Variants in MCUB observed in about 807,000 individuals in gnomAD.
MCUB encodes calcium uniporter regulatory subunit MCUb, mitochondrial.
MCUB carries 46 observed loss-of-function variants against 41.4 expected under a neutral mutation model. The observed-to-expected ratio is 1.11, with a 90% confidence interval of 0.88 to 1.42. The LOEUF (loss-of-function observed/expected upper bound fraction) is 1.42, where lower values mean the gene tolerates loss of function less well. MCUB is among the 40% of genes most tolerant of loss of function. The pLI is 0.00. For missense variants in MCUB, 403 were observed against 404.9 expected (o/e 1.00, Z 0.04); for synonymous variants, 148 against 148.2 (o/e 1.00, Z 0.01).
At chr4:109,568,079 A>G (rs569452272) in intron 1 of MCUB, among the ~76,000 whole-genome samples, 75 of 151,780 alleles carry the variant, frequency 4.9e-4, no homozygotes, top group East Asian at 2.9e-3. Context: ...CCTGGGGGGG[A>G]AAAATTATTT....
intron 4 of MCUB, among the ~76,000 whole-genome samples, chr4:109,669,960 T>A (rs1006753451): frequency 6.6e-6 from 1 of 152,232 alleles, no homozygotes; most frequent in Non-Finnish European, 1.5e-5. Context: ...AGCATATTAT[T>A]TGTAGTTATT....
chr4:109,583,277 A>T (rs1248700354), intron 1 of MCUB, among the ~76,000 whole-genome samples: 1 of 152,164 alleles, frequency 6.6e-6, no homozygotes, highest in African/African-American at 2.4e-5. Context: ...GAGGTCCTTC[A>T]CATCCCATGT....
chr4:109,609,204 A>C (rs560037943), intron 1 of MCUB, among the ~76,000 whole-genome samples: 36 of 152,252 alleles, frequency 2.4e-4, no homozygotes, highest in Non-Finnish European at 5.0e-4. Context: ...GTGAGTCCAC[A>C]GTGCAAAGTG....
At chr4:109,651,431 C>A (rs1728957502) in intron 1 of MCUB, among the ~76,000 whole-genome samples, 1 of 152,142 alleles carries the variant, frequency 6.6e-6, no homozygotes, top group Non-Finnish European at 1.5e-5. Context: ...CTTAGGTAAG[C>A]ATAGTATCTG....
intron 4 of MCUB, among the ~76,000 whole-genome samples, chr4:109,668,071 T>C (rs1052281563): frequency 6.6e-6 from 1 of 152,100 alleles, no homozygotes; most frequent in Non-Finnish European, 1.5e-5. Context: ...TGATCTGTCT[T>C]GATGAGATGT....
At chr4:109,594,833 A>C (rs1727518913) in intron 1 of MCUB, among the ~76,000 whole-genome samples, 1 of 151,660 alleles carries the variant, frequency 6.6e-6, no homozygotes, top group South Asian at 2.1e-4. Flanking sequence ...GCGTGATCCA[A>C]ACCAGATCCC....
intron 1 of MCUB, among the ~76,000 whole-genome samples, chr4:109,581,593 G>A (rs1205699341): frequency 6.6e-6 from 1 of 152,038 alleles, no homozygotes; most frequent in Non-Finnish European, 1.5e-5. Context: ...GAGTGAACAG[G>A]CAACCTACAG....
chr4:109,651,562 A>G (rs951200764), intron 1 of MCUB, among the ~76,000 whole-genome samples: 3 of 152,152 alleles, frequency 2.0e-5, no homozygotes, highest in Non-Finnish European at 4.4e-5. Flanking sequence ...AAAATTTAAA[A>G]TTTCTATACT....
chr4:109,652,352 A>T (rs980584456), intron 1 of MCUB, among the ~76,000 whole-genome samples: 5 of 152,136 alleles, frequency 3.3e-5, no homozygotes, highest in African/African-American at 1.2e-4. Context: ...TCTTTAGCAA[A>T]AATCTGTGGA....
intron 1 of MCUB, among the ~76,000 whole-genome samples, chr4:109,601,515 C>T (rs528553574): frequency 5.4e-4 from 82 of 152,252 alleles, no homozygotes; most frequent in African/African-American, 2.0e-3. Flanking sequence ...CTGTGCCTGG[C>T]TTATTTCACT....
At chr4:109,598,084 G>C (rs1044394686) in intron 1 of MCUB, among the ~76,000 whole-genome samples, 1 of 150,070 alleles carries the variant, frequency 6.7e-6, no homozygotes, top group African/African-American at 2.5e-5. Context: ...GATGGCGGCC[G>C]GACGGAGACG....
At chr4:109,678,563 C>G (rs1187298208) in intron 4 of MCUB, among the ~76,000 whole-genome samples, 26 of 143,690 alleles carry the variant, frequency 1.8e-4, no homozygotes, top group African/African-American at 6.4e-4. Context: ...GGCGGCCGGG[C>G]AGAGGAGCTC....
chr4:109,672,889 A>T (rs1207834503), intron 4 of MCUB, among the ~76,000 whole-genome samples: 2 of 152,182 alleles, frequency 1.3e-5, no homozygotes, highest in Non-Finnish European at 2.9e-5. Context: ...ATCCAGGTTG[A>T]CCTTGTACCT....
chr4:109,629,667 A>G (rs1728432965), intron 1 of MCUB, among the ~76,000 whole-genome samples: 1 of 152,188 alleles, frequency 6.6e-6, no homozygotes, highest in African/African-American at 2.4e-5. Context: ...CTACTCGTTT[A>G]CTATATAGGA....
At chr4:109,616,261 CT>C (rs1728124736) in intron 1 of MCUB, among the ~76,000 whole-genome samples, 2 of 145,252 alleles carry the variant, frequency 1.4e-5, no homozygotes, top group African/African-American at 5.6e-5. Context: ...CTACCTCCTG[CT>C]GGAGAATTCT....
chr4:109,584,744 TC>T (rs1727264701), intron 1 of MCUB, among the ~76,000 whole-genome samples: 1 of 152,242 alleles, frequency 6.6e-6, no homozygotes, highest in Admixed American at 6.5e-5. Flanking sequence ...TTGTTCAGTT[TC>T]CATGTAGTTG....
At chr4:109,561,590 G>A (rs778542953) in intron 1 of MCUB, among the ~76,000 whole-genome samples, 3 of 152,148 alleles carry the variant, frequency 2.0e-5, no homozygotes, top group Non-Finnish European at 4.4e-5. Context: ...ATGTAAAATG[G>A]TAGACTTATA....
chr4:109,599,301 C>A (rs535083660), intron 1 of MCUB, among the ~76,000 whole-genome samples: 18 of 148,182 alleles, frequency 1.2e-4, no homozygotes, highest in Admixed American at 4.7e-4. Context: ...TTTGTTTGAT[C>A]CTCCTCTTCA....
At chr4:109,570,989 CA>C (rs1726901705) in intron 1 of MCUB, among the ~76,000 whole-genome samples, 1 of 152,070 alleles carries the variant, frequency 6.6e-6, no homozygotes, top group African/African-American at 2.4e-5. Flanking sequence ...TGTCTGAAGT[CA>C]AGGGAAGAAT....
Sources: allele counts gnomAD v4.1 joint callset (sites outside exome capture counted in the v4.1 genomes callset), GRCh38; gene constraint gnomAD v4.1.1; transcripts MANE v1.5; gene names NCBI Gene and HGNC (gene_info 2026-07-23, HGNC 2026-07-21).